IMMP2L: variants seen among roughly 807,000 people sequenced by gnomAD.
IMMP2L encodes the protein inner mitochondrial membrane peptidase subunit 2.
A neutral mutation model predicts 19.3 loss-of-function variants in IMMP2L; 18 were observed. The observed-to-expected ratio is 0.93, with a 90% CI of 0.64 to 1.38. The LOEUF (loss-of-function observed/expected upper bound fraction) is 1.38. Ranked by LOEUF, IMMP2L falls within the 40% of genes most tolerant of loss-of-function variation. The pLI, the probability that IMMP2L is intolerant of heterozygous loss-of-function variation, is 0.00. For synonymous variants in IMMP2L, 76 were observed against 73.0 expected (o/e 1.04, Z -0.21); for missense variants, 233 against 218.2 (o/e 1.07, Z -0.43).
chr7:111,352,518 T>C (rs768632512), intron 3 of IMMP2L, among the ~76,000 whole-genome samples: 2 of 152,040 alleles, frequency 1.3e-5, no homozygotes, highest in African/African-American at 2.4e-5. Flanking sequence ...CATACTGTTT[T>C]CTGCAATAGA....
intron 5 of IMMP2L, among the ~76,000 whole-genome samples, chr7:110,740,083 T>C (rs974176875): frequency 6.6e-6 from 1 of 152,128 alleles, no homozygotes; most frequent in African/African-American, 2.4e-5. Flanking sequence ...GGAAAGTTCA[T>C]AGCATTAAAT....
rs557329768 is a variant in IMMP2L at position 111,323,553 on chromosome 7, C to T, written c.239+163685G>A. Reference sequence around the variant, plus strand: ...TTTACACTGTTGGTAGGACTGTAAACTAGTTCAACCATTGTGGAAGTCAGT... The same window carrying T: ...TTTACACTGTTGGTAGGACTGTAAATTAGTTCAACCATTGTGGAAGTCAGT... On this transcript the variant is annotated intron_variant, in intron 3 of 5. Transcript: ENST00000405709. Among the ~76,000 whole-genome samples, 285 of 152,174 alleles carry T rather than the reference C, an allele frequency of 1.9e-3. 1 individual carries two copies. The highest frequency in any genetic ancestry group is 6.6e-3 in the African/African-American group (275 of 41,558).
chr7:111,422,581 T>C (rs749826122), intron 3 of IMMP2L, among the ~76,000 whole-genome samples: 1 of 152,044 alleles, frequency 6.6e-6, no homozygotes, highest in Non-Finnish European at 1.5e-5. Context: ...TCCTGAGACT[T>C]TGCTGAAGTT....
intron 5 of IMMP2L, among the ~76,000 whole-genome samples, chr7:110,838,589 C>T (rs558780590): frequency 5.4e-4 from 82 of 151,676 alleles, no homozygotes; most frequent in African/African-American, 2.0e-3. Flanking sequence ...AAGATAAAGA[C>T]CCGAATGAGG....
At chr7:111,357,167 A>G (rs1403071318) in intron 3 of IMMP2L, among the ~76,000 whole-genome samples, 1 of 152,196 alleles carries the variant, frequency 6.6e-6, no homozygotes, top group Non-Finnish European at 1.5e-5. Flanking sequence ...TGTAGCATTT[A>G]AAGTTTTTTG....
chr7:111,154,379 G>A (rs997702418), intron 3 of IMMP2L, among the ~76,000 whole-genome samples: 5 of 151,954 alleles, frequency 3.3e-5, no homozygotes, highest in Admixed American at 3.3e-4. Flanking sequence ...CATATTTTTA[G>A]GATCTTCCCA....
At chr7:111,340,225 T>C (rs1425753193) in intron 3 of IMMP2L, among the ~76,000 whole-genome samples, 1 of 152,062 alleles carries the variant, frequency 6.6e-6, no homozygotes, top group African/African-American at 2.4e-5. Flanking sequence ...TCTATAGTAA[T>C]TCAATATGAT....
chr7:110,880,443 T>G (rs1436767574), intron 5 of IMMP2L, among the ~76,000 whole-genome samples: 1 of 152,150 alleles, frequency 6.6e-6, no homozygotes, highest in Non-Finnish European at 1.5e-5. Flanking sequence ...TTTGCAAAGT[T>G]ATTTACATAG....
chr7:111,056,697 T>C (rs899972331), intron 3 of IMMP2L, among the ~76,000 whole-genome samples: 1 of 152,222 alleles, frequency 6.6e-6, no homozygotes. Flanking sequence ...TTTGTGCATG[T>C]ATTATATACT....
chr7:110,988,843 T>C (rs185727846), intron 3 of IMMP2L, among the ~76,000 whole-genome samples: 41 of 152,330 alleles, frequency 2.7e-4, no homozygotes, highest in African/African-American at 9.4e-4. Context: ...TATCATATTA[T>C]ATTTAAGACA....
At chr7:111,312,693 A>T (rs1823646615) in intron 3 of IMMP2L, among the ~76,000 whole-genome samples, 1 of 152,164 alleles carries the variant, frequency 6.6e-6, no homozygotes, top group South Asian at 2.1e-4. Flanking sequence ...CTGATAAGAA[A>T]GGTGATACAT....
At chr7:111,547,665 CCT>C (rs937098457) in intron 1 of IMMP2L, among the ~76,000 whole-genome samples, 31 of 152,016 alleles carry the variant, frequency 2.0e-4, no homozygotes, top group Admixed American at 1.0e-3. Context: ...AAGAGATTCC[CCT>C]GTCTCAGCCT....
rs138465167 is a variant in IMMP2L, at chr7:111,551,702, C to G, written c.-3+10149G>C. 2.1e-3 allele frequency among the ~76,000 whole-genome samples: 319 copies of G among 152,054 alleles called. 3 individuals carry two copies. Among genetic ancestry groups the G allele is most frequent in the African/African-American group, 7.3e-3 (302 of 41,440 alleles). ...GGATCCACCACCACCATCACTACCA[C>G]CTCAGCAAAATACAACCTTCTTCAT... is the stretch of plus-strand genomic sequence containing the variant. On this transcript the variant is annotated intron_variant, in intron 1 of 5. Transcript: ENST00000405709.
chr7:111,420,744 T>C (rs550453866), intron 3 of IMMP2L, among the ~76,000 whole-genome samples: 1 of 151,862 alleles, frequency 6.6e-6, no homozygotes, highest in East Asian at 1.9e-4. Context: ...AATCATCCTT[T>C]TTTATGACTA....
At chr7:111,222,707 G>A (rs891580835) in intron 3 of IMMP2L, among the ~76,000 whole-genome samples, 1 of 151,972 alleles carries the variant, frequency 6.6e-6, no homozygotes, top group Non-Finnish European at 1.5e-5. Context: ...ATATAAGAAC[G>A]TCAGTGAGTA....
intron 3 of IMMP2L, among the ~76,000 whole-genome samples, chr7:111,283,022 A>G (rs1820072057): frequency 6.6e-6 from 1 of 152,158 alleles, no homozygotes; most frequent in African/African-American, 2.4e-5. Context: ...CTGAATATAC[A>G]TTATTTTCAA....
intron 3 of IMMP2L, among the ~76,000 whole-genome samples, chr7:111,447,661 A>C (rs543845328): frequency 6.6e-6 from 1 of 152,038 alleles, no homozygotes; most frequent in East Asian, 1.9e-4. Context: ...AAGGAACGAA[A>C]TCACCAGCTA....
intron 1 of IMMP2L, among the ~76,000 whole-genome samples, chr7:111,537,489 G>A (rs1038089045): frequency 2.0e-5 from 3 of 149,958 alleles, no homozygotes; most frequent in East Asian, 2.0e-4. Context: ...TAGCATATAA[G>A]GCTAATTATG....
intron 5 of IMMP2L, among the ~76,000 whole-genome samples, chr7:110,798,455 G>A (rs1424504627): frequency 6.6e-6 from 1 of 151,948 alleles, no homozygotes; most frequent in East Asian, 1.9e-4. Context: ...ACTCATAGGA[G>A]ATCATCAACT....
Sources: allele counts gnomAD v4.1 joint callset (sites outside exome capture counted in the v4.1 genomes callset), GRCh38; gene constraint gnomAD v4.1.1; transcripts MANE v1.5; gene names NCBI Gene and HGNC (gene_info 2026-07-23, HGNC 2026-07-21).